The following CFAP299 variants were observed in gnomAD, a reference collection of about 807,000 sequenced individuals.
The protein encoded by CFAP299 is cilia- and flagella-associated protein 299.
CFAP299 carries 21 observed loss-of-function variants against 27.0 expected under a neutral mutation model. The ratio of observed to expected loss-of-function variants is 0.78; its 90% CI spans 0.55 to 1.12. The LOEUF (loss-of-function observed/expected upper bound fraction) is 1.12, where lower values mean the gene tolerates loss of function less well. Ranked by LOEUF, CFAP299 falls within the 50% of genes most tolerant of loss-of-function variation. CFAP299 has a pLI of 0.00. For missense variants in CFAP299, 310 were observed against 276.6 expected (o/e 1.12, Z -0.86); for synonymous variants, 104 against 98.1 (o/e 1.06, Z -0.36).
chr4:80,613,076 T>C (rs1738082584), intron 3 of CFAP299, among the ~76,000 whole-genome samples: 1 of 152,108 alleles, frequency 6.6e-6, no homozygotes, highest in African/African-American at 2.4e-5. Context: ...GCAACTTATT[T>C]CACAAATAAG....
intron 3 of CFAP299, among the ~76,000 whole-genome samples, chr4:80,777,443 G>A (rs1210103483): frequency 6.6e-6 from 1 of 151,964 alleles, no homozygotes; most frequent in Non-Finnish European, 1.5e-5. Context: ...GCTAGGCTAG[G>A]TTCCCTGTTT....
intron 2 of CFAP299, among the ~76,000 whole-genome samples, chr4:80,474,798 G>A (rs1382690616): frequency 6.6e-6 from 1 of 152,158 alleles, no homozygotes; most frequent in Non-Finnish European, 1.5e-5. Context: ...GAATGCGGTG[G>A]TGAGAAAGAC....
intron 5 of CFAP299, among the ~76,000 whole-genome samples, chr4:80,945,338 T>C (rs540453411): frequency 2.0e-5 from 3 of 152,350 alleles, no homozygotes; most frequent in South Asian, 2.1e-4. Context: ...AGAATTCTAA[T>C]ACCCCTCTGT....
intron 2 of CFAP299, among the ~76,000 whole-genome samples, chr4:80,446,728 A>G (rs1259223817): frequency 1.3e-5 from 2 of 152,204 alleles, no homozygotes; most frequent in Non-Finnish European, 2.9e-5. Flanking sequence ...CAACTCTATT[A>G]CATTTCTCAC....
In CFAP299 at chr4:80,875,067, T is replaced by C. The variant is rs1027998020; in HGVS notation, c.476+4932T>C. On this transcript the variant is annotated intron_variant, in intron 4 of 5. Transcript: ENST00000358105. ...GACTACTAGAAAATTCAAAAATACA[T>C]CTGTGGTTCACATTGCTGGCTCATA... is the stretch of plus-strand genomic sequence containing the variant. 1.1e-4 allele frequency among the ~76,000 whole-genome samples: 16 copies of C among 152,292 alleles called. No individual in the cohort carries two copies. The South Asian group carries it at 2.1e-3, about 20-fold the overall frequency.
At chr4:80,340,153 A>G (rs777939937) in intron 1 of CFAP299, among the ~76,000 whole-genome samples, 1 of 152,192 alleles carries the variant, frequency 6.6e-6, no homozygotes, top group Non-Finnish European at 1.5e-5. Context: ...GGGACTCACT[A>G]GGCAATCAAC....
intron 1 of CFAP299, among the ~76,000 whole-genome samples, chr4:80,355,113 C>T (rs1336546201): frequency 9.9e-5 from 15 of 152,038 alleles, no homozygotes; most frequent in Admixed American, 8.5e-4. Context: ...TCTTCTACAA[C>T]GATTGAACTA....
Position 80,517,013 on chromosome 4 carries a change from C to T in CFAP299, c.243-66080C>T, listed in dbSNP as rs539887284. ...TAGTTCAGGGCTTTGGTATAATAAA[C>T]GCTTAGTAAATATGTATTGAATGAA... On this transcript the variant is annotated intron_variant, in intron 2 of 5. Transcript: ENST00000358105. Among the ~76,000 whole-genome samples, 107 of 152,204 alleles carry T rather than the reference C, an allele frequency of 7.0e-4. 1 individual carries two copies. The highest frequency in any genetic ancestry group is 2.3e-3 in the African/African-American group (97 of 41,544).
At chr4:80,479,652 C>A (rs1166033482) in intron 2 of CFAP299, among the ~76,000 whole-genome samples, 6 of 151,922 alleles carry the variant, frequency 3.9e-5, no homozygotes, top group African/African-American at 1.4e-4. Flanking sequence ...CTGATCTATT[C>A]AAATAATAAA....
intron 3 of CFAP299, among the ~76,000 whole-genome samples, chr4:80,762,411 C>A (rs776706557): frequency 1.2e-4 from 18 of 152,046 alleles, no homozygotes; most frequent in Non-Finnish European, 2.4e-4. Context: ...CTTGCAAAAA[C>A]ATCTTGGTTT....
At chr4:80,377,464 T>A (rs2110015676) in intron 2 of CFAP299, among the ~76,000 whole-genome samples, 1 of 152,284 alleles carries the variant, frequency 6.6e-6, no homozygotes, top group Non-Finnish European at 1.5e-5. Context: ...TTCTATTCTA[T>A]TCCACGGATT....
chr4:80,798,138 C>A (rs1426359119), intron 3 of CFAP299, among the ~76,000 whole-genome samples: 1 of 152,034 alleles, frequency 6.6e-6, no homozygotes, highest in Non-Finnish European at 1.5e-5. Flanking sequence ...ATGTAGCACA[C>A]CTCCTCATGG....
intron 2 of CFAP299, among the ~76,000 whole-genome samples, chr4:80,442,987 G>C (rs1380343419): frequency 6.6e-6 from 1 of 152,090 alleles, no homozygotes; most frequent in Non-Finnish European, 1.5e-5. Flanking sequence ...ACTAAACCAG[G>C]AGAAGTCGAA....
chr4:80,844,628 G>T (rs1424700304), intron 3 of CFAP299, among the ~76,000 whole-genome samples: 1 of 151,894 alleles, frequency 6.6e-6, no homozygotes, highest in East Asian at 1.9e-4. Flanking sequence ...AAATTTGTTT[G>T]AGTTCATTGT....
intron 2 of CFAP299, among the ~76,000 whole-genome samples, chr4:80,382,723 G>A (rs768850335): frequency 1.3e-5 from 2 of 152,104 alleles, no homozygotes; most frequent in Non-Finnish European, 2.9e-5. Context: ...ACACCGTTGG[G>A]GGGACTGCAA....
At chr4:80,337,125 A>G (rs138137921) in intron 1 of CFAP299, among the ~76,000 whole-genome samples, 40 of 152,348 alleles carry the variant, frequency 2.6e-4, no homozygotes, top group African/African-American at 9.6e-4. Context: ...TATGCCTTGC[A>G]TCCAAGACAC....
At chr4:80,432,545 T>G (rs904907747) in intron 2 of CFAP299, among the ~76,000 whole-genome samples, 1 of 149,506 alleles carries the variant, frequency 6.7e-6, no homozygotes, top group Non-Finnish European at 1.5e-5. Context: ...TTTTTTTTTT[T>G]TTTTTGAGAC....
intron 2 of CFAP299, among the ~76,000 whole-genome samples, chr4:80,560,980 A>G (rs1409060935): frequency 6.6e-6 from 1 of 152,150 alleles, no homozygotes; most frequent in Non-Finnish European, 1.5e-5. Context: ...AGGCTTAGCC[A>G]GAGAGTGGTT....
At chr4:80,643,579 G>A (rs531737903) in intron 3 of CFAP299, among the ~76,000 whole-genome samples, 1 of 152,286 alleles carries the variant, frequency 6.6e-6, no homozygotes, top group East Asian at 1.9e-4. Flanking sequence ...TTGAGTAGGT[G>A]AGGGGCAATG....
Sources: gnomAD v4.1 joint callset for allele counts (sites outside exome capture counted in the v4.1 genomes callset) on GRCh38, gnomAD v4.1.1 for gene constraint, MANE v1.5 for transcripts, NCBI Gene and HGNC (gene_info 2026-07-23, HGNC 2026-07-21) for gene names.